The following MYO3A variants were observed in gnomAD, a reference collection of about 807,000 sequenced individuals.
MYO3A encodes the protein myosin-IIIa.
A neutral mutation model predicts 192.7 loss-of-function variants in MYO3A; 180 were observed. That is an observed-to-expected ratio of 0.93 (90% CI 0.83 to 1.06). The LOEUF is 1.06. Among genes scored for constraint, MYO3A ranks in the 50% least tolerant of loss-of-function variants. MYO3A has a pLI of 0.00. For synonymous variants in MYO3A, 628 were observed against 645.3 expected (o/e 0.97, Z 0.41); for missense variants, 1,896 against 1,905.0 (o/e 1.00, Z 0.09).
At chr10:26,071,581 T>C (rs986000011) in intron 14 of MYO3A, among the ~76,000 whole-genome samples, 1 of 151,970 alleles carries the variant, frequency 6.6e-6, no homozygotes, top group African/African-American at 2.4e-5. Context: ...GTTACAAAAA[T>C]GAAAACACAA....
intron 15 of MYO3A, 87 bp downstream of exon 15, chr10:26,088,492 A>C (rs1449853028): frequency 8.4e-6 from 11 of 1,308,826 alleles, no homozygotes; most frequent in Non-Finnish European, 1.2e-5. Context: ...TCATTCAATA[A>C]AATTTTATTT....
At chr10:26,037,615 C>T (rs1365440760) in intron 10 of MYO3A, among the ~76,000 whole-genome samples, 1 of 152,138 alleles carries the variant, frequency 6.6e-6, no homozygotes, top group Non-Finnish European at 1.5e-5. Context: ...ACTGTATGGT[C>T]TTGGCACCTG....
rs1842021175 is a variant in MYO3A, at chr10:26,016,986, G to A, written c.585+90G>A. 13 of 1,296,566 alleles carry A rather than the reference G, an allele frequency of 1.0e-5. No homozygotes were observed. In the South Asian group the frequency reaches 1.6e-4, roughly 16 times the overall value. The allele number at this position is 1,296,566 out of a possible 1,614,324, so 80.3% of individuals were successfully genotyped here. A position where few individuals can be genotyped will look rare whatever the true frequency, so the allele number is the denominator to read the frequency against. On this transcript the variant is annotated intron_variant, in intron 7 of 34. Coordinates refer to ENST00000642920, the MANE Select transcript of MYO3A (RefSeq NM_017433.5). ...GTACTCTATCTCTGTAAGCATTTTG[G>A]AATATAACAGAAGAAACTCTCAGTT... is the stretch of plus-strand genomic sequence containing the variant.
At chr10:26,101,677 A>T (rs9418535) in intron 17 of MYO3A, among the ~76,000 whole-genome samples, 4,795 of 152,250 alleles carry the variant, frequency 0.031, 80 homozygotes, top group Non-Finnish European at 0.043. Flanking sequence ...GCTGGATATG[A>T]AATTCTGGGT....
At chr10:25,996,031 G>A (rs1840413297) in intron 4 of MYO3A, among the ~76,000 whole-genome samples, 1 of 152,340 alleles carries the variant, frequency 6.6e-6, no homozygotes, top group Non-Finnish European at 1.5e-5. Context: ...CTTCAAAGCT[G>A]TCAGACAGGG....
chr10:26,095,955 G>A (rs1190438975), intron 15 of MYO3A, among the ~76,000 whole-genome samples: 2 of 152,140 alleles, frequency 1.3e-5, no homozygotes, highest in Admixed American at 1.3e-4. Flanking sequence ...CCATAAAATA[G>A]GAAACACATG....
chr10:25,985,677 AG>A (rs201586487), intron 4 of MYO3A, among the ~76,000 whole-genome samples: 4,562 of 152,260 alleles, frequency 0.03, 116 homozygotes, highest in Middle Eastern at 0.068. Context: ...ACCAATAACA[AG>A]CAGCAAGTTT....
rs545256699 is a variant in MYO3A at position 25,952,458 on chromosome 10, T to C, written c.168+180T>C. 8.5e-4 allele frequency among the ~76,000 whole-genome samples: 129 copies of C among 152,250 alleles called. No individual in the cohort carries two copies. The Middle Eastern group carries it at 0.017, about 20-fold the overall frequency. On this transcript the variant is annotated intron_variant, in intron 3 of 34. Coordinates refer to ENST00000642920, the MANE Select transcript of MYO3A (RefSeq NM_017433.5). ...TTTCCAAATTTCTGTGCTTAGTATA[T>C]GTAATAAGGCACAATAAGTACTTGA... is the stretch of plus-strand genomic sequence containing the variant.
In MYO3A at chr10:25,952,288, A is replaced by C. The variant is rs1433423410; in HGVS notation, c.168+10A>C. 29 of 1,610,704 alleles carry C rather than the reference A, an allele frequency of 1.8e-5. No individual in the cohort carries two copies. The highest frequency in any genetic ancestry group is 2.4e-5 in the Non-Finnish European group (28 of 1,177,982). On this transcript the variant is annotated intron_variant, in intron 3 of 34. Transcript: ENST00000642920. ...TCTTGATCCAATTCACGTAAGTCAT[A>C]TTTTTTCCTTCTAATTAGCTTTATT...
In MYO3A at chr10:25,945,509, G is replaced by T. The variant is rs554227858; in HGVS notation, c.-17-6585G>T. On this transcript the variant is annotated intron_variant, in intron 2 of 34. Coordinates refer to ENST00000642920, the MANE Select transcript of MYO3A (RefSeq NM_017433.5). ...TCTGTTTTCCCCTTTAGTTCTGTCA[G>T]TGTTTGTTCATATATTTTGGAGCTC... Among the ~76,000 whole-genome samples, 4 of 152,118 alleles carry T rather than the reference G, an allele frequency of 2.6e-5. No individual in the cohort carries two copies. In the South Asian group the frequency reaches 8.3e-4, roughly 31 times the overall value.
At chr10:25,981,428 A>T (rs1438199867) in intron 4 of MYO3A, among the ~76,000 whole-genome samples, 5 of 152,338 alleles carry the variant, frequency 3.3e-5, no homozygotes, top group African/African-American at 9.6e-5. Flanking sequence ...AAAAAGGCAC[A>T]TTTTATGAAT....
intron 18 of MYO3A, among the ~76,000 whole-genome samples, chr10:26,124,296 A>G (rs1201780082): frequency 6.6e-6 from 1 of 152,032 alleles, no homozygotes; most frequent in Non-Finnish European, 1.5e-5. Context: ...ACACAGATTT[A>G]TGCTTAAAAT....
At position 26,068,903 on chromosome 10, in the gene MYO3A, A is replaced by C. The variant is rs1047901867; in HGVS notation, c.1170+19A>C. 4 of 1,415,334 alleles carry C rather than the reference A, an allele frequency of 2.8e-6. No homozygotes were observed. The highest frequency in any genetic ancestry group is 4.0e-6 in the Non-Finnish European group (4 of 999,810). The allele number at this position is 1,415,334 out of a possible 1,614,324, so 87.7% of individuals were successfully genotyped here. A position where few individuals can be genotyped will look rare whatever the true frequency, so the allele number is the denominator to read the frequency against. ...CACAAAGGTATGTCGTATGGGGTGC[A>C]TTCTGTTACTTCATACACATAATTA... On this transcript the variant is annotated intron_variant, in intron 12 of 34. Coordinates refer to ENST00000642920, the MANE Select transcript of MYO3A (RefSeq NM_017433.5).
At chr10:26,196,941 A>T (rs1269260245) in intron 32 of MYO3A, among the ~76,000 whole-genome samples, 1 of 152,262 alleles carries the variant, frequency 6.6e-6, no homozygotes, top group Non-Finnish European at 1.5e-5. Context: ...TGTTAGGAAC[A>T]TCTCAATTCC....
At chr10:26,206,845 C>T (rs1210114344) in intron 34 of MYO3A, among the ~76,000 whole-genome samples, 1 of 152,196 alleles carries the variant, frequency 6.6e-6, no homozygotes, top group Non-Finnish European at 1.5e-5. Context: ...CCCTTTTCTC[C>T]CCACCTTTGC....
Position 26,173,891 on chromosome 10 carries a change from A to G in MYO3A, c.3627A>G (p.Pro1209=). Residue 1209 remains proline, a synonymous_variant, in exon 30 of 35, where the codon CCA becomes CCG. Transcript: ENST00000642920. The part of the protein sequence containing the change: ...EVKQEFYLVG[P]EVSPKQKSVK... ...AGCAAGAATTCTACCTTGTAGGGCC[A>G]GAAGTAAGCCCCAAACAGAAGTCTG... 6.2e-7 allele frequency: 1 copy of G among 1,614,024 alleles called. No homozygotes were observed. Among genetic ancestry groups the G allele is most frequent in the East Asian group, 2.2e-5 (1 of 44,882 alleles).
intron 4 of MYO3A, among the ~76,000 whole-genome samples, chr10:25,993,213 C>G (rs531120480): frequency 1.5e-4 from 23 of 152,100 alleles, no homozygotes; most frequent in Non-Finnish European, 2.1e-4. Context: ...TTCAGAGATT[C>G]AACTTCTTCC....
chr10:26,209,566 C>T (rs565816242), intron 34 of MYO3A, among the ~76,000 whole-genome samples: 66 of 152,310 alleles, frequency 4.3e-4, no homozygotes, highest in Middle Eastern at 6.8e-3. Flanking sequence ...TTAACAGTGA[C>T]CTCCGTTTTG....
chr10:26,147,375 G>C, intron 22 of MYO3A, 55 bp from the exon 23 acceptor site: 1 of 1,514,624 alleles, frequency 6.6e-7, no homozygotes, highest in Non-Finnish European at 9.2e-7. Flanking sequence ...ATGGTGAGGA[G>C]GAGGAGGATG....
Sources: allele counts gnomAD v4.1 joint callset (sites outside exome capture counted in the v4.1 genomes callset), GRCh38; gene constraint gnomAD v4.1.1; transcripts MANE v1.5; gene names NCBI Gene and HGNC (gene_info 2026-07-23, HGNC 2026-07-21).